Variants in KDM4C observed in about 807,000 individuals in gnomAD.
The protein encoded by KDM4C is lysine-specific demethylase 4C.
A neutral mutation model predicts 129.3 loss-of-function variants in KDM4C; 81 were observed. That is an observed-to-expected ratio of 0.63 (90% CI 0.52 to 0.75). The LOEUF is 0.75. Ranked by LOEUF, KDM4C falls within the 30% of genes least tolerant of loss-of-function variation. The pLI, the probability that KDM4C is intolerant of heterozygous loss-of-function variation, is 0.00. For synonymous variants in KDM4C, 573 were observed against 456.1 expected (o/e 1.26, Z -3.26); for missense variants, 1,457 against 1,304.0 (o/e 1.12, Z -1.81).
At chr9:6,747,003 CAAAAAAAAA>C (rs58512756) in intron 1 of KDM4C, among the ~76,000 whole-genome samples, 1 of 50,554 alleles carries the variant, frequency 2.0e-5, no homozygotes, top group Non-Finnish European at 4.0e-5. Context: ...GACTCCGTCT[CAAAAAAAAA>C]AAAAAAAAAA....
chr9:6,762,650 T>G (rs1008452973), intron 1 of KDM4C, among the ~76,000 whole-genome samples: 3 of 148,168 alleles, frequency 2.0e-5, no homozygotes, highest in African/African-American at 7.4e-5. Flanking sequence ...ATATAATATA[T>G]TAGGTCATTG....
intron 19 of KDM4C, among the ~76,000 whole-genome samples, chr9:7,136,047 G>A (rs1342153530): frequency 6.6e-6 from 1 of 152,204 alleles, no homozygotes; most frequent in African/African-American, 2.4e-5. Flanking sequence ...ATTGTGATGG[G>A]CCAGAGTGTT....
At chr9:7,039,378 CA>C (rs2132452163) in intron 15 of KDM4C, among the ~76,000 whole-genome samples, 1 of 152,028 alleles carries the variant, frequency 6.6e-6, no homozygotes, top group African/African-American at 2.4e-5. Flanking sequence ...AGTCTAATTT[CA>C]ATTTTTTTGT....
intron 4 of KDM4C, among the ~76,000 whole-genome samples, chr9:6,833,958 T>C (rs995580043): frequency 7.2e-5 from 11 of 152,128 alleles, no homozygotes; most frequent in Non-Finnish European, 1.6e-4. Flanking sequence ...TTGAGAAATA[T>C]ACCACTATCT....
chr9:6,938,834 AT>A (rs1825297375), intron 8 of KDM4C, among the ~76,000 whole-genome samples: 1 of 147,648 alleles, frequency 6.8e-6, no homozygotes, highest in Non-Finnish European at 1.5e-5. Flanking sequence ...ATAAATATTT[AT>A]TTTTCAGATA....
rs899729536 is a variant in KDM4C at position 7,031,761 on chromosome 9, C to T, written c.2260-15101C>T. 2.0e-5 allele frequency among the ~76,000 whole-genome samples: 3 copies of T among 152,164 alleles called. No individual in the cohort carries two copies. In the East Asian group the frequency reaches 5.8e-4, roughly 29 times the overall value. On this transcript the variant is annotated intron_variant, in intron 15 of 21. Transcript: ENST00000381309. ...TCTGCATATTAAGTAATGGTTGCCACTAATGCCCTTCAGTGCTGCACGTGG... is the reference window on the plus strand; with the variant it reads ...TCTGCATATTAAGTAATGGTTGCCATTAATGCCCTTCAGTGCTGCACGTGG...
intron 1 of KDM4C, among the ~76,000 whole-genome samples, chr9:6,790,065 A>G (rs1288593549): frequency 6.8e-6 from 1 of 148,058 alleles, no homozygotes; most frequent in African/African-American, 2.5e-5. Flanking sequence ...GCCTGAGGTC[A>G]GGAGTTTGAG....
chr9:7,015,967 C>T (rs368234970), intron 15 of KDM4C, 38 bp downstream of exon 15: 1 of 1,399,732 alleles, frequency 7.1e-7, no homozygotes, highest in East Asian at 2.3e-5. Flanking sequence ...ACCTTTCTTC[C>T]CACCCTACCC....
intron 5 of KDM4C, among the ~76,000 whole-genome samples, chr9:6,851,904 T>C (rs1206152021): frequency 3.3e-5 from 5 of 152,228 alleles, no homozygotes; most frequent in Admixed American, 6.5e-5. Flanking sequence ...TTGCAGCTTG[T>C]ATATGTGCAG....
intron 18 of KDM4C, among the ~76,000 whole-genome samples, chr9:7,113,760 T>A (rs966834180): frequency 6.6e-6 from 1 of 152,220 alleles, no homozygotes; most frequent in Non-Finnish European, 1.5e-5. Context: ...ATTATGTTGA[T>A]CAATCTTCAA....
At chr9:6,721,782 G>T (rs1331640963) in intron 1 of KDM4C, among the ~76,000 whole-genome samples, 3 of 150,924 alleles carry the variant, frequency 2.0e-5, no homozygotes, top group African/African-American at 7.3e-5. Context: ...TAGAGACTGG[G>T]TTTCATCATA....
At chr9:6,926,130 C>T (rs377374313) in intron 8 of KDM4C, among the ~76,000 whole-genome samples, 17 of 152,014 alleles carry the variant, frequency 1.1e-4, no homozygotes, top group African/African-American at 2.2e-4. Context: ...TTTCGTGGAC[C>T]GGGTGCCTTC....
At chr9:7,118,282 C>T (rs1256243023) in intron 18 of KDM4C, among the ~76,000 whole-genome samples, 1 of 152,194 alleles carries the variant, frequency 6.6e-6, no homozygotes, top group African/African-American at 2.4e-5. Context: ...TACACGTGAA[C>T]ATACACACAT....
chr9:6,814,014 G>T (rs779274735), intron 3 of KDM4C, among the ~76,000 whole-genome samples: 3 of 152,186 alleles, frequency 2.0e-5, no homozygotes, highest in Middle Eastern at 3.4e-3. Flanking sequence ...ACATCTCTCT[G>T]TTGTTAGGGT....
intron 17 of KDM4C, among the ~76,000 whole-genome samples, chr9:7,073,901 C>T (rs1587462419): frequency 6.6e-6 from 1 of 152,154 alleles, no homozygotes; most frequent in Admixed American, 6.5e-5. Flanking sequence ...CATCTATCAT[C>T]TAATAAACTC....
At chr9:6,806,981 C>A (rs574046767) in intron 3 of KDM4C, among the ~76,000 whole-genome samples, 1 of 152,118 alleles carries the variant, frequency 6.6e-6, no homozygotes, top group Non-Finnish European at 1.5e-5. Context: ...GCCATCTCCG[C>A]TCACTGCAAC....
At chr9:7,079,324 T>A (rs1834270570) in intron 17 of KDM4C, among the ~76,000 whole-genome samples, 1 of 152,114 alleles carries the variant, frequency 6.6e-6, no homozygotes. Context: ...GTGACTTTGT[T>A]TTTTGTTTGT....
intron 3 of KDM4C, among the ~76,000 whole-genome samples, chr9:6,814,106 A>T (rs897104181): frequency 6.6e-6 from 1 of 152,112 alleles, no homozygotes; most frequent in Non-Finnish European, 1.5e-5. Context: ...ATATGCTGGA[A>T]TGGTTTTGCC....
intron 5 of KDM4C, among the ~76,000 whole-genome samples, chr9:6,867,110 G>T (rs1842162181): frequency 6.6e-6 from 1 of 150,456 alleles, no homozygotes; most frequent in African/African-American, 2.5e-5. Flanking sequence ...CCGCCTGCCG[G>T]GTTCAAGCAA....
Sources: allele counts gnomAD v4.1 joint callset (sites outside exome capture counted in the v4.1 genomes callset), GRCh38; gene constraint gnomAD v4.1.1; transcripts MANE v1.5; gene names NCBI Gene and HGNC (gene_info 2026-07-23, HGNC 2026-07-21).